The following RBFOX1 variants were observed in gnomAD, a reference collection of about 807,000 sequenced individuals.
RBFOX1 encodes RNA binding fox-1 homolog 1.
Under a neutral mutation model 57.7 loss-of-function variants are expected in RBFOX1, and 8 were observed. That is an observed-to-expected ratio of 0.14 (90% CI 0.08 to 0.25). The LOEUF (loss-of-function observed/expected upper bound fraction) is 0.25. RBFOX1 is among the 10% of genes least tolerant of loss of function. RBFOX1 has a pLI of 1.00. For synonymous variants in RBFOX1, 326 were observed against 222.4 expected (o/e 1.47, Z -4.15); for missense variants, 611 against 548.5 (o/e 1.11, Z -1.14).
intron 1 of RBFOX1, among the ~76,000 whole-genome samples, chr16:5,447,851 G>A (rs2068297758): frequency 6.6e-6 from 1 of 152,214 alleles, no homozygotes; most frequent in African/African-American, 2.4e-5. Context: ...ATGGCCGAAA[G>A]TGGCCACCAC....
intron 1 of RBFOX1, among the ~76,000 whole-genome samples, chr16:5,398,753 G>A (rs987275909): frequency 1.3e-5 from 2 of 152,126 alleles, no homozygotes; most frequent in Non-Finnish European, 2.9e-5. Flanking sequence ...TGATTCCATG[G>A]GAGCGAGGGA....
chr16:6,298,441 AC>A (rs1298537205), intron 1 of RBFOX1, among the ~76,000 whole-genome samples: 1 of 152,208 alleles, frequency 6.6e-6, no homozygotes, highest in African/African-American at 2.4e-5. Flanking sequence ...GACATAAAAA[AC>A]AATCATCAAT....
At chr16:7,335,368 A>G (rs993207910) in intron 4 of RBFOX1, among the ~76,000 whole-genome samples, 1 of 152,146 alleles carries the variant, frequency 6.6e-6, no homozygotes, top group African/African-American at 2.4e-5. Context: ...AACCATGTGT[A>G]CTCCATCACT....
intron 3 of RBFOX1, among the ~76,000 whole-genome samples, chr16:7,031,162 T>C (rs1273415835): frequency 6.6e-6 from 1 of 152,166 alleles, no homozygotes; most frequent in Non-Finnish European, 1.5e-5. Flanking sequence ...CAGCTTTGCA[T>C]GTAGAGAGTC....
intron 2 of RBFOX1, among the ~76,000 whole-genome samples, chr16:6,457,410 T>G (rs1465605928): frequency 6.8e-6 from 1 of 148,080 alleles, no homozygotes; most frequent in Non-Finnish European, 1.5e-5. Flanking sequence ...CCTTGTGTTA[T>G]TTTCTGGTGA....
chr16:6,354,324 C>A (rs537492749), intron 2 of RBFOX1, among the ~76,000 whole-genome samples: 16 of 152,258 alleles, frequency 1.1e-4, no homozygotes, highest in Admixed American at 9.8e-4. Context: ...TGCTCTCTGT[C>A]CATCACCAGT....
chr16:5,697,850 A>C (rs1018684600), intron 3 of RBFOX1, among the ~76,000 whole-genome samples: 3 of 152,062 alleles, frequency 2.0e-5, no homozygotes, highest in Non-Finnish European at 4.4e-5. Flanking sequence ...TATAGTTTCA[A>C]CTTTAAGCAT....
chr16:5,314,155 A>G (rs2064167040), intron 1 of RBFOX1, among the ~76,000 whole-genome samples: 1 of 152,226 alleles, frequency 6.6e-6, no homozygotes, highest in Non-Finnish European at 1.5e-5. Context: ...CCACTTGCAT[A>G]CAAGGAAAAA....
chr16:7,472,905 G>A (rs1410378742), intron 4 of RBFOX1, among the ~76,000 whole-genome samples: 5 of 152,126 alleles, frequency 3.3e-5, no homozygotes, highest in African/African-American at 7.2e-5. Context: ...AAGAGCAAAC[G>A]CAATATTAAT....
chr16:6,354,928 A>T (rs114268162), intron 2 of RBFOX1, among the ~76,000 whole-genome samples: 2,503 of 152,160 alleles, frequency 0.016, 56 homozygotes, highest in African/African-American at 0.056. Context: ...ACATAAGGAG[A>T]CCCAAGTGCT....
At chr16:6,296,036 G>A (rs60856919) in intron 1 of RBFOX1, among the ~76,000 whole-genome samples, 36,477 of 152,100 alleles carry the variant, frequency 0.24, 4,459 homozygotes, top group South Asian at 0.25. Context: ...TCCCTCTTCT[G>A]TAAAGGAAGC....
intron 3 of RBFOX1, among the ~76,000 whole-genome samples, chr16:6,955,476 A>C (rs559400447): frequency 1.2e-4 from 19 of 152,206 alleles, no homozygotes; most frequent in African/African-American, 4.3e-4. Flanking sequence ...TAAAATGATC[A>C]CATTCAGGCA....
chr16:6,735,819 A>G (rs894276774), intron 3 of RBFOX1, among the ~76,000 whole-genome samples: 2 of 152,166 alleles, frequency 1.3e-5, no homozygotes, highest in Non-Finnish European at 2.9e-5. Context: ...GACATGAGGA[A>G]ATGAATCCTT....
chr16:6,252,458 A>C (rs528901412), intron 1 of RBFOX1, among the ~76,000 whole-genome samples: 1 of 152,306 alleles, frequency 6.6e-6, no homozygotes, highest in East Asian at 1.9e-4. Flanking sequence ...GTAGTTTTGC[A>C]ATGACTATCA....
At chr16:6,355,276 A>G (rs754640290) in intron 2 of RBFOX1, among the ~76,000 whole-genome samples, 8 of 151,156 alleles carry the variant, frequency 5.3e-5, no homozygotes, top group Non-Finnish European at 8.8e-5. Flanking sequence ...TAATGTTATC[A>G]CTCCCCCAGC....
chr16:6,572,649 G>A (rs935897586), intron 2 of RBFOX1, among the ~76,000 whole-genome samples: 1 of 151,814 alleles, frequency 6.6e-6, no homozygotes, highest in African/African-American at 2.4e-5. Context: ...CTGGAGTGCA[G>A]TGTCACTATC....
intron 2 of RBFOX1, among the ~76,000 whole-genome samples, chr16:6,608,904 T>C (rs566882708): frequency 6.6e-6 from 1 of 152,342 alleles, no homozygotes; most frequent in South Asian, 2.1e-4. Context: ...AGATCTTTTT[T>C]CTTGCCCTTC....
chr16:5,927,435 A>G (rs1206496234), intron 4 of RBFOX1, among the ~76,000 whole-genome samples: 1 of 152,242 alleles, frequency 6.6e-6, no homozygotes. Context: ...GTATTATCAA[A>G]AAGTCAAAAG....
At chr16:6,413,870 A>G (rs1027674485) in intron 2 of RBFOX1, among the ~76,000 whole-genome samples, 1 of 152,218 alleles carries the variant, frequency 6.6e-6, no homozygotes, top group South Asian at 2.1e-4. Context: ...AAAGGCTGAA[A>G]GAGTTCAGGA....
Sources: allele counts gnomAD v4.1 joint callset (sites outside exome capture counted in the v4.1 genomes callset), GRCh38; gene constraint gnomAD v4.1.1; transcripts MANE v1.5; gene names NCBI Gene and HGNC (gene_info 2026-07-23, HGNC 2026-07-21).